The following CHL1 variants were observed in gnomAD, a reference collection of about 807,000 sequenced individuals.
CHL1 encodes the protein neural cell adhesion molecule L1-like protein.
CHL1 carries 96 observed loss-of-function variants against 141.9 expected under a neutral mutation model. The observed-to-expected ratio is 0.68, with a 90% CI of 0.57 to 0.80. The LOEUF (loss-of-function observed/expected upper bound fraction) is 0.80. Ranked by LOEUF, CHL1 falls within the 30% of genes least tolerant of loss-of-function variation. CHL1 has a pLI of 0.00. For synonymous variants in CHL1, 613 were observed against 502.2 expected (o/e 1.22, Z -2.95); for missense variants, 1,820 against 1,457.2 (o/e 1.25, Z -4.05).
At chr3:200,985 A>G (rs115053936) in intron 1 of CHL1, among the ~76,000 whole-genome samples, 328 of 152,340 alleles carry the variant, frequency 2.2e-3, no homozygotes, top group Non-Finnish European at 3.7e-3. Context: ...CATTAGCACC[A>G]CGTAGAGAAT....
chr3:308,202 T>C (rs1699415556), intron 2 of CHL1, among the ~76,000 whole-genome samples: 1 of 152,228 alleles, frequency 6.6e-6, no homozygotes, highest in African/African-American at 2.4e-5. Flanking sequence ...ATCAACCGTC[T>C]ATATCTATGC....
In CHL1 at chr3:390,739, A is replaced by C. The variant is rs1340350567; in HGVS notation, c.2509A>C (p.Ile837Leu). The C allele has an allele frequency of 6.2e-7, 1 of 1,610,520 alleles. No homozygotes were observed. The highest frequency in any genetic ancestry group is 8.5e-7 in the Non-Finnish European group (1 of 1,176,828). Reference protein sequence around the residue: ...TAPVIHGVDVINSTLVKVTWS... With the variant: ...TAPVIHGVDVLNSTLVKVTWS... ...TCCAGTGATCCATGGGGTGGACGTT[A>C]TAAACAGTACATTAGTTAAAGTTAC... Residue 837 changes from isoleucine (I) to leucine (L), a missense_variant, in exon 21 of 28, where the codon ATA becomes CTA. By Grantham distance (5) the Ile-to-Leu change is conservative. Transcript: ENST00000256509.
intron 15 of CHL1, among the ~76,000 whole-genome samples, chr3:372,384 C>G (rs966877400): frequency 4.6e-5 from 7 of 152,084 alleles, no homozygotes; most frequent in Admixed American, 3.9e-4. Flanking sequence ...GTCCTTTCTT[C>G]CACTTGGTAG....
At chr3:366,178 A>T in intron 15 of CHL1, 63 bp downstream of exon 15, 1 of 1,521,754 alleles carries the variant, frequency 6.6e-7, no homozygotes, top group Non-Finnish European at 9.0e-7. Context: ...CATTTGATTT[A>T]AAAAGTTCTA....
chr3:208,020 C>T (rs1699589026), intron 1 of CHL1, among the ~76,000 whole-genome samples: 1 of 152,136 alleles, frequency 6.6e-6, no homozygotes, highest in Non-Finnish European at 1.5e-5. Context: ...GAATGAATGC[C>T]ATCCAATCAA....
chr3:214,636 A>G (rs1700160154), intron 1 of CHL1, among the ~76,000 whole-genome samples: 1 of 152,184 alleles, frequency 6.6e-6, no homozygotes, highest in Non-Finnish European at 1.5e-5. Context: ...ATAGACATGA[A>G]TACCCTTGGT....
intron 1 of CHL1, among the ~76,000 whole-genome samples, chr3:223,744 A>G (rs1701073796): frequency 1.3e-5 from 2 of 152,166 alleles, no homozygotes; most frequent in Admixed American, 6.5e-5. Flanking sequence ...TCAGATCAGC[A>G]TCTCTGAAAG....
chr3:295,781 T>C (rs1698134721), intron 2 of CHL1, among the ~76,000 whole-genome samples: 1 of 152,200 alleles, frequency 6.6e-6, no homozygotes, highest in Admixed American at 6.5e-5. Context: ...CTTTTGTACT[T>C]CCGTTACTAT....
At chr3:326,100 G>A (rs758914280) in intron 4 of CHL1, 36 bp downstream of exon 4, 5 of 1,298,182 alleles carry the variant, frequency 3.9e-6, no homozygotes, top group Non-Finnish European at 4.5e-6. Flanking sequence ...TTCTTTAAAT[G>A]CGTGCTGTTC....
At chr3:242,561 A>T (rs376222003) in intron 1 of CHL1, among the ~76,000 whole-genome samples, 1 of 152,100 alleles carries the variant, frequency 6.6e-6, no homozygotes, top group South Asian at 2.1e-4. Context: ...GTGCCACTGC[A>T]CTCCAGCCTG....
chr3:270,672 G>T (rs1212919571), intron 2 of CHL1, among the ~76,000 whole-genome samples: 1 of 152,198 alleles, frequency 6.6e-6, no homozygotes, highest in Non-Finnish European at 1.5e-5. Context: ...ACGATATTGT[G>T]GATTAAGAAT....
chr3:301,924 G>A (rs753553464), intron 2 of CHL1, among the ~76,000 whole-genome samples: 1 of 152,174 alleles, frequency 6.6e-6, no homozygotes. Flanking sequence ...ACAGGCCCTG[G>A]TGTGTGATGT....
chr3:319,438 T>C (rs1032124539), intron 2 of CHL1, among the ~76,000 whole-genome samples: 1 of 151,790 alleles, frequency 6.6e-6, no homozygotes, highest in Non-Finnish European at 1.5e-5. Context: ...CAAGTAAAAC[T>C]TCCTCTGACT....
chr3:324,908 A>G (rs868424558), intron 3 of CHL1, among the ~76,000 whole-genome samples: 7 of 151,938 alleles, frequency 4.6e-5, no homozygotes, highest in African/African-American at 1.4e-4. Flanking sequence ...ACTTTTTAAA[A>G]TTGTGTTTGT....
At chr3:329,928 T>C (rs1323003677) in intron 5 of CHL1, among the ~76,000 whole-genome samples, 1 of 152,016 alleles carries the variant, frequency 6.6e-6, no homozygotes, top group Non-Finnish European at 1.5e-5. Context: ...ATAGACAAAT[T>C]CACCATAATA....
At chr3:352,094 A>G (rs1290194568) in intron 10 of CHL1, among the ~76,000 whole-genome samples, 1 of 152,182 alleles carries the variant, frequency 6.6e-6, no homozygotes, top group Non-Finnish European at 1.5e-5. Flanking sequence ...ATTTATATGT[A>G]ATTATAGAGC....
At chr3:249,369 T>A (rs535521897) in intron 2 of CHL1, among the ~76,000 whole-genome samples, 4 of 149,346 alleles carry the variant, frequency 2.7e-5, no homozygotes, top group Admixed American at 2.7e-4. Flanking sequence ...TACCACAACA[T>A]CCCCACCCTA....
chr3:200,098 A>G (rs1438354676), intron 1 of CHL1, among the ~76,000 whole-genome samples: 1 of 152,220 alleles, frequency 6.6e-6, no homozygotes. Flanking sequence ...GTGATCATTT[A>G]CATATTGTTT....
chr3:380,435 G>A (rs550377969), intron 16 of CHL1, among the ~76,000 whole-genome samples: 1 of 152,224 alleles, frequency 6.6e-6, no homozygotes, highest in African/African-American at 2.4e-5. Context: ...AAAGATAAAA[G>A]TCCTCCAATG....
Sources: allele counts gnomAD v4.1 joint callset (sites outside exome capture counted in the v4.1 genomes callset), GRCh38; gene constraint gnomAD v4.1.1; transcripts MANE v1.5; gene names NCBI Gene and HGNC (gene_info 2026-07-23, HGNC 2026-07-21).